The following ZBTB20 variants were observed in gnomAD, a reference collection of about 807,000 sequenced individuals.
ZBTB20 encodes the protein zinc finger and BTB domain-containing protein 20.
In ZBTB20, 9 loss-of-function variants were observed where a neutral mutation model predicts 56.9. The observed-to-expected ratio is 0.16, with a 90% confidence interval of 0.10 to 0.28. The LOEUF is 0.28. ZBTB20 is among the 10% of genes least tolerant of loss of function. ZBTB20 has a pLI of 1.00. For missense variants in ZBTB20, 655 were observed against 1,003.0 expected (o/e 0.65, Z 4.69); for synonymous variants, 417 against 420.7 (o/e 0.99, Z 0.11).
chr3:114,837,546 CCATGTGGGGGTCTTCA>C (rs1326570696), intron 4 of ZBTB20, among the ~76,000 whole-genome samples: 2 of 152,074 alleles, frequency 1.3e-5, no homozygotes, highest in Non-Finnish European at 1.5e-5. Flanking sequence ...AGGAGACTTG[CCATGTGGGGGTCTTCA>C]CATGTGAAGG....
rs1282023550 is a variant in ZBTB20 at position 114,558,053 on chromosome 3, A to AT, written c.-294-57663dup. Among the ~76,000 whole-genome samples, 11 of 152,058 alleles carry AT rather than the reference A, an allele frequency of 7.2e-5. No individual in the cohort carries two copies. In the South Asian group the frequency reaches 2.1e-3, roughly 29 times the overall value. ...GGGAAACACCTATAAACACAACAGA[A>AT]TTTTTTCCTTTTCTGATGTTCATTC... On this transcript the variant is annotated intron_variant, in intron 6 of 11. Coordinates refer to ENST00000675478, the MANE Select transcript of ZBTB20 (RefSeq NM_001348800.3).
At chr3:114,619,850 G>A (rs1435885636) in intron 6 of ZBTB20, among the ~76,000 whole-genome samples, 1 of 152,048 alleles carries the variant, frequency 6.6e-6, no homozygotes, top group Non-Finnish European at 1.5e-5. Context: ...GCTCTTTATT[G>A]TGCTGTATGT....
intron 3 of ZBTB20, among the ~76,000 whole-genome samples, chr3:114,927,933 T>A (rs2076217079): frequency 6.6e-6 from 1 of 152,176 alleles, no homozygotes; most frequent in East Asian, 1.9e-4. Flanking sequence ...CATTAAACTG[T>A]TTTCTCCTTT....
chr3:114,569,000 A>G (rs1653106823), intron 6 of ZBTB20, among the ~76,000 whole-genome samples: 1 of 152,130 alleles, frequency 6.6e-6, no homozygotes, highest in South Asian at 2.1e-4. Flanking sequence ...CTGAAGACAG[A>G]GCTCTTCGTT....
At chr3:114,787,910 A>G (rs1258609917) in intron 5 of ZBTB20, among the ~76,000 whole-genome samples, 3 of 152,164 alleles carry the variant, frequency 2.0e-5, no homozygotes, top group Admixed American at 6.6e-5. Context: ...AATGTCTAAC[A>G]TAGCTACAAA....
At chr3:115,123,667 C>G (rs973186576) in intron 1 of ZBTB20, among the ~76,000 whole-genome samples, 2 of 152,162 alleles carry the variant, frequency 1.3e-5, no homozygotes, top group Admixed American at 6.5e-5. Flanking sequence ...CATACACAAT[C>G]AACTTACTGC....
intron 1 of ZBTB20, among the ~76,000 whole-genome samples, chr3:115,090,343 T>C (rs922861200): frequency 2.6e-5 from 4 of 151,900 alleles, no homozygotes; most frequent in African/African-American, 9.7e-5. Flanking sequence ...TATAGTAAGA[T>C]AATATTGAAA....
At chr3:114,705,884 A>C (rs751415067) in intron 5 of ZBTB20, among the ~76,000 whole-genome samples, 5 of 152,216 alleles carry the variant, frequency 3.3e-5, no homozygotes, top group Non-Finnish European at 7.3e-5. Context: ...CCATACATGC[A>C]GCTCTTCATC....
intron 6 of ZBTB20, among the ~76,000 whole-genome samples, chr3:114,538,250 T>C (rs1214294304): frequency 6.6e-6 from 1 of 152,180 alleles, no homozygotes; most frequent in African/African-American, 2.4e-5. Flanking sequence ...GTTACATTTT[T>C]CATTGACATT....
In ZBTB20 at chr3:114,694,284, C is replaced by T. The variant is rs564947635; in HGVS notation, c.-342-709G>A. ...TTAAAAAGCTTCTACTGTGGAGCAA[C>T]AAAGTCTTTAAATATTATATAATCT... On this transcript the variant is annotated intron_variant, in intron 5 of 11. Transcript: ENST00000675478. 9.2e-5 allele frequency among the ~76,000 whole-genome samples: 14 copies of T among 152,130 alleles called. No individual in the cohort carries two copies. In the East Asian group the frequency reaches 2.7e-3, roughly 29 times the overall value.
intron 6 of ZBTB20, among the ~76,000 whole-genome samples, chr3:114,657,022 G>A (rs999854495): frequency 2.6e-5 from 4 of 151,934 alleles, no homozygotes; most frequent in Admixed American, 6.6e-5. Flanking sequence ...CTGAATCATC[G>A]AGGAATCTAT....
chr3:114,890,649 A>T (rs1458462842), intron 4 of ZBTB20, among the ~76,000 whole-genome samples: 1 of 152,178 alleles, frequency 6.6e-6, no homozygotes, highest in African/African-American at 2.4e-5. Flanking sequence ...TACCTAATGT[A>T]AATGACAAGT....
chr3:114,363,660 G>C (rs1316423589), intron 10 of ZBTB20, among the ~76,000 whole-genome samples: 3 of 152,208 alleles, frequency 2.0e-5, no homozygotes, highest in Admixed American at 6.5e-5. Context: ...TTCCTAGGAA[G>C]AGAAACTGTA....
At chr3:114,935,465 C>T (rs1484059630) in intron 3 of ZBTB20, among the ~76,000 whole-genome samples, 1 of 152,108 alleles carries the variant, frequency 6.6e-6, no homozygotes, top group Non-Finnish European at 1.5e-5. Flanking sequence ...GTGTCGTATT[C>T]TTGACTCAAA....
intron 6 of ZBTB20, among the ~76,000 whole-genome samples, chr3:114,593,858 T>C: frequency 6.6e-6 from 1 of 152,174 alleles, no homozygotes; most frequent in Non-Finnish European, 1.5e-5. Context: ...TATAGTAGAT[T>C]TTACATTGTG....
intron 7 of ZBTB20, among the ~76,000 whole-genome samples, chr3:114,453,923 C>T (rs1386312499): frequency 2.9e-5 from 2 of 69,672 alleles, no homozygotes; most frequent in Non-Finnish European, 5.2e-5. Context: ...AAGCTCACTC[C>T]CCCCCCCCCC....
At chr3:114,652,494 T>C (rs966649782) in intron 6 of ZBTB20, among the ~76,000 whole-genome samples, 3 of 152,062 alleles carry the variant, frequency 2.0e-5, no homozygotes, top group African/African-American at 7.2e-5. Context: ...GGCATTATTT[T>C]CATTATTTTT....
At chr3:114,769,552 C>CATATATATATAT (rs6148023) in intron 5 of ZBTB20, among the ~76,000 whole-genome samples, 3 of 116,732 alleles carry the variant, frequency 2.6e-5, no homozygotes, top group African/African-American at 4.5e-5. Flanking sequence ...TGCCAAAATG[C>CATATATATATAT]ATATATATAT....
intron 6 of ZBTB20, among the ~76,000 whole-genome samples, chr3:114,642,987 GA>G (rs2059637294): frequency 6.6e-6 from 1 of 151,980 alleles, no homozygotes; most frequent in Admixed American, 6.6e-5. Flanking sequence ...TGCAAAATTT[GA>G]ATTAGACTTT....
Sources: gnomAD v4.1 joint callset for allele counts (sites outside exome capture counted in the v4.1 genomes callset) on GRCh38, gnomAD v4.1.1 for gene constraint, MANE v1.5 for transcripts, NCBI Gene and HGNC (gene_info 2026-07-23, HGNC 2026-07-21) for gene names.